The following PSEN1 variants were observed in gnomAD, a reference collection of about 807,000 sequenced individuals.
PSEN1 encodes the protein presenilin 1.
PSEN1 carries 15 observed loss-of-function variants against 53.5 expected under a neutral mutation model. That is an observed-to-expected ratio of 0.28 (90% CI 0.19 to 0.43). PSEN1 has a LOEUF of 0.43. PSEN1 is among the 20% of genes least tolerant of loss of function. The pLI, the probability that PSEN1 is intolerant of heterozygous loss-of-function variation, is 1.00. For synonymous variants in PSEN1, 208 were observed against 209.8 expected (o/e 0.99, Z 0.08); for missense variants, 387 against 571.2 (o/e 0.68, Z 3.29).
At chr14:73,192,909 C>A in intron 7 of PSEN1, 45 bp downstream of exon 7, 2 of 1,441,838 alleles carry the variant, frequency 1.4e-6, no homozygotes, top group Non-Finnish European at 1.9e-6. Flanking sequence ...GAATGCCCCA[C>A]TGGAGTGTTT....
intron 3 of PSEN1, among the ~76,000 whole-genome samples, chr14:73,153,274 T>C (rs1310011400): frequency 1.3e-5 from 2 of 152,210 alleles, no homozygotes; most frequent in Non-Finnish European, 2.9e-5. Flanking sequence ...CAGAGAAACA[T>C]GCTAGCTTTT....
chr14:73,199,989 C>T (rs1305164000), intron 8 of PSEN1, among the ~76,000 whole-genome samples: 2 of 152,010 alleles, frequency 1.3e-5, no homozygotes, highest in African/African-American at 4.8e-5. Flanking sequence ...TCAGGTGATC[C>T]GCCTGCCTAG....
intron 5 of PSEN1, among the ~76,000 whole-genome samples, chr14:73,175,353 C>G (rs976291767): frequency 1.3e-5 from 2 of 152,006 alleles, no homozygotes; most frequent in Non-Finnish European, 2.9e-5. Context: ...TCTAGAACTC[C>G]TGACCTCAGG....
At chr14:73,191,778 C>T (rs907067096) in intron 6 of PSEN1, among the ~76,000 whole-genome samples, 4 of 152,072 alleles carry the variant, frequency 2.6e-5, no homozygotes, top group Non-Finnish European at 5.9e-5. Context: ...GAATTCCTGG[C>T]CTCAAGTGAT....
At chr14:73,200,100 T>C (rs932191245) in intron 8 of PSEN1, among the ~76,000 whole-genome samples, 2 of 152,196 alleles carry the variant, frequency 1.3e-5, no homozygotes, top group African/African-American at 4.8e-5. Flanking sequence ...TGTGTGTGTC[T>C]GAGAGAGAAA....
chr14:73,146,583 G>A (rs1232872525), intron 1 of PSEN1, among the ~76,000 whole-genome samples: 1 of 152,050 alleles, frequency 6.6e-6, no homozygotes, highest in Non-Finnish European at 1.5e-5. Flanking sequence ...ATGTCACCTT[G>A]GTTAAAAATG....
intron 1 of PSEN1, among the ~76,000 whole-genome samples, chr14:73,142,978 A>G (rs1182236993): frequency 1.3e-5 from 2 of 152,120 alleles, no homozygotes; most frequent in African/African-American, 4.8e-5. Context: ...CTACTCCTCA[A>G]TTCGGGTCCC....
intron 6 of PSEN1, among the ~76,000 whole-genome samples, chr14:73,190,648 G>A (rs973804085): frequency 3.9e-5 from 6 of 152,072 alleles, no homozygotes; most frequent in Non-Finnish European, 7.4e-5. Flanking sequence ...CATTTTTGGA[G>A]GTGGAGACAG....
Position 73,219,290 on chromosome 14 carries a change from C to T in PSEN1, c.*1C>T, listed in dbSNP as rs1900055463. ...AGCATTCCATCAATTTTATATCTAG[C>T]ATATTTGCGGTTAGAATCCCATGGA... On this transcript the variant is annotated 3_prime_UTR_variant, in exon 12 of 12. Transcript: ENST00000324501. 2.5e-6 allele frequency: 4 copies of T among 1,612,218 alleles called. No homozygotes were observed. The highest frequency in any genetic ancestry group is 8.5e-7 in the Non-Finnish European group (1 of 1,178,524).
chr14:73,175,211 G>A (rs895209838), intron 5 of PSEN1, among the ~76,000 whole-genome samples: 3 of 152,020 alleles, frequency 2.0e-5, no homozygotes, highest in African/African-American at 7.2e-5. Context: ...ACTGCAAGCT[G>A]TGCCTCCTGG....
chr14:73,201,074 T>TG (rs1566647193), intron 8 of PSEN1, among the ~76,000 whole-genome samples: 3 of 144,688 alleles, frequency 2.1e-5, no homozygotes, highest in African/African-American at 8.4e-5. Flanking sequence ...AGAGAATATC[T>TG]TTTTGTTTGT....
intron 8 of PSEN1, among the ~76,000 whole-genome samples, chr14:73,204,379 T>G (rs1171897377): frequency 6.6e-6 from 1 of 150,826 alleles, no homozygotes; most frequent in Non-Finnish European, 1.5e-5. Context: ...AAATGAAAAG[T>G]GATTTTTAAA....
chr14:73,138,862 G>A (rs1432226826), intron 1 of PSEN1, among the ~76,000 whole-genome samples: 1 of 151,842 alleles, frequency 6.6e-6, no homozygotes, highest in East Asian at 2.0e-4. Flanking sequence ...AGCTACTCGG[G>A]AGGCTGAGGC....
chr14:73,166,075 TA>T (rs1320121730), intron 3 of PSEN1, among the ~76,000 whole-genome samples: 1 of 146,102 alleles, frequency 6.8e-6, no homozygotes, highest in Non-Finnish European at 1.5e-5. Context: ...AATAATAAAA[TA>T]AAAATAAAAG....
At chr14:73,184,151 G>C (rs111470957) in intron 5 of PSEN1, among the ~76,000 whole-genome samples, 1 of 114,036 alleles carries the variant, frequency 8.8e-6, no homozygotes, top group African/African-American at 3.9e-5. Flanking sequence ...GCCGGCCGGG[G>C]GGCTGACCCC....
chr14:73,164,438 A>G (rs895861402), intron 3 of PSEN1, among the ~76,000 whole-genome samples: 28 of 152,256 alleles, frequency 1.8e-4, no homozygotes, highest in African/African-American at 4.8e-4. Flanking sequence ...CCATAGGAAT[A>G]TGTATATGTA....
intron 11 of PSEN1, among the ~76,000 whole-genome samples, chr14:73,217,869 A>AG (rs1899980081): frequency 6.7e-6 from 1 of 148,622 alleles, no homozygotes; most frequent in African/African-American, 2.5e-5. Flanking sequence ...GCTCATTGCA[A>AG]CCTCTGCCTC....
At chr14:73,206,108 G>A (rs1899442964) in intron 8 of PSEN1, 1 of 440,410 alleles carries the variant, frequency 2.3e-6, no homozygotes, top group African/African-American at 2.0e-5. Context: ...GGCCTGAACA[G>A]TTTTCCTTCT....
intron 8 of PSEN1, among the ~76,000 whole-genome samples, chr14:73,201,949 A>G (rs946556168): frequency 6.6e-6 from 1 of 151,920 alleles, no homozygotes; most frequent in African/African-American, 2.4e-5. Flanking sequence ...GTTTCGCCAC[A>G]TTGGCCAGGC....
Sources: gnomAD v4.1 joint callset for allele counts (sites outside exome capture counted in the v4.1 genomes callset) on GRCh38, gnomAD v4.1.1 for gene constraint, MANE v1.5 for transcripts, NCBI Gene and HGNC (gene_info 2026-07-23, HGNC 2026-07-21) for gene names.